The following ABTB2 variants were observed in gnomAD, a reference collection of about 807,000 sequenced individuals.
ABTB2 encodes ankyrin repeat and BTB/POZ domain-containing protein 2.
A neutral mutation model predicts 104.1 loss-of-function variants in ABTB2; 56 were observed. That is an observed-to-expected ratio of 0.54 (90% CI 0.43 to 0.67). The LOEUF is 0.67. ABTB2 is among the 30% of genes least tolerant of loss of function. The pLI is 0.00. For synonymous variants in ABTB2, 606 were observed against 608.2 expected, an observed-to-expected ratio of 1.00 and a Z score of 0.05; for missense variants, 1,279 against 1,407.7, an observed-to-expected ratio of 0.91 and a Z score of 1.46.
At chr11:34,200,140 G>A (rs984688413) in intron 2 of ABTB2, among the ~76,000 whole-genome samples, 1 of 152,156 alleles carries the variant, frequency 6.6e-6, no homozygotes, top group Non-Finnish European at 1.5e-5. Context: ...CGTTTCTCCA[G>A]GTCTAAATGT....
chr11:34,291,968 G>A (rs1854568959), intron 1 of ABTB2, among the ~76,000 whole-genome samples: 1 of 151,884 alleles, frequency 6.6e-6, no homozygotes. Flanking sequence ...TTAAACGAAG[G>A]CACTAGGAAC....
intron 1 of ABTB2, among the ~76,000 whole-genome samples, chr11:34,226,255 G>A (rs1853685868): frequency 6.8e-6 from 1 of 147,610 alleles, no homozygotes; most frequent in South Asian, 2.2e-4. Context: ...GAGTTTTATT[G>A]CCTCAAATAA....
At chr11:34,254,530 G>A (rs1377820466) in intron 1 of ABTB2, among the ~76,000 whole-genome samples, 1 of 152,136 alleles carries the variant, frequency 6.6e-6, no homozygotes, top group Non-Finnish European at 1.5e-5. Flanking sequence ...TGGGATTTGA[G>A]AGCCACCGTG....
At chr11:34,173,341 G>A (rs1852912939) in intron 3 of ABTB2, 34 bp from the exon 4 acceptor site, 2 of 1,549,150 alleles carry the variant, frequency 1.3e-6, no homozygotes, top group South Asian at 1.2e-5. Flanking sequence ...CAGGCCTGGG[G>A]TGGGGTCCCT....
chr11:34,200,854 T>C (rs1221893336), intron 2 of ABTB2, among the ~76,000 whole-genome samples: 3 of 152,134 alleles, frequency 2.0e-5, no homozygotes, highest in Non-Finnish European at 4.4e-5. Context: ...CTACTAAAAG[T>C]GTGGTCTGTG....
At chr11:34,203,394 G>A (rs1490840284) in intron 2 of ABTB2, among the ~76,000 whole-genome samples, 4 of 152,198 alleles carry the variant, frequency 2.6e-5, no homozygotes, top group African/African-American at 7.2e-5. Flanking sequence ...TGGACCAGGG[G>A]CTGTGTCCCT....
chr11:34,308,753 C>T (rs796308718), intron 1 of ABTB2, among the ~76,000 whole-genome samples: 42 of 151,484 alleles, frequency 2.8e-4, no homozygotes, highest in African/African-American at 1.0e-3. Context: ...CGCCTGTATT[C>T]CCAGCTACTC....
At chr11:34,272,688 C>G (rs1324678853) in intron 1 of ABTB2, among the ~76,000 whole-genome samples, 8 of 105,872 alleles carry the variant, frequency 7.6e-5, no homozygotes, top group African/African-American at 2.8e-4. Context: ...GCCTGGGCGA[C>G]AGAGTAAGAC....
intron 1 of ABTB2, among the ~76,000 whole-genome samples, chr11:34,309,860 A>G (rs1395512942): frequency 3.3e-5 from 5 of 151,554 alleles, no homozygotes; most frequent in African/African-American, 7.3e-5. Flanking sequence ...TTGATTTGTG[A>G]TATGTGTGTC....
At chr11:34,187,204 C>G (rs1853111814) in intron 3 of ABTB2, among the ~76,000 whole-genome samples, 1 of 152,178 alleles carries the variant, frequency 6.6e-6, no homozygotes, top group Non-Finnish European at 1.5e-5. Flanking sequence ...TGCTTCCAGC[C>G]CACGTAAAGA....
Position 34,197,307 on chromosome 11 carries a change from C to T in ABTB2, c.1244+18G>A. Reference sequence around the variant, plus strand: ...GGAGCACGTCCCACCAGGTGCTCAGCCCAAGGAAGATCCCTACCGTTCATT... The same window carrying T: ...GGAGCACGTCCCACCAGGTGCTCAGTCCAAGGAAGATCCCTACCGTTCATT... On this transcript the variant is annotated intron_variant, in intron 3 of 16. Coordinates refer to ENST00000435224, the MANE Select transcript of ABTB2 (RefSeq NM_145804.3). The T allele has an allele frequency of 6.2e-7, 1 of 1,613,496 alleles. No individual in the cohort carries two copies.
At chr11:34,238,116 T>C (rs1162623515) in intron 1 of ABTB2, among the ~76,000 whole-genome samples, 2 of 152,164 alleles carry the variant, frequency 1.3e-5, no homozygotes, top group Non-Finnish European at 2.9e-5. Context: ...CCCTATATTA[T>C]CTCCCATACT....
intron 1 of ABTB2, among the ~76,000 whole-genome samples, chr11:34,253,675 C>CA (rs148748716): frequency 0.038 from 4,958 of 129,750 alleles, 257 homozygotes; most frequent in African/African-American, 0.12. Flanking sequence ...GATTCCGTCT[C>CA]AAAAAAAAAA....
intron 4 of ABTB2, among the ~76,000 whole-genome samples, chr11:34,171,403 T>C (rs1483715032): frequency 1.3e-5 from 2 of 152,038 alleles, no homozygotes; most frequent in Non-Finnish European, 2.9e-5. Flanking sequence ...GGTGAAACCC[T>C]GTCTCTACTC....
intron 1 of ABTB2, among the ~76,000 whole-genome samples, chr11:34,336,184 A>G (rs979856356): frequency 6.6e-6 from 1 of 152,184 alleles, no homozygotes; most frequent in Non-Finnish European, 1.5e-5. Flanking sequence ...ACTTACTACT[A>G]AAGCTTATTC....
chr11:34,259,087 G>T (rs538579125), intron 1 of ABTB2, among the ~76,000 whole-genome samples: 1 of 152,344 alleles, frequency 6.6e-6, no homozygotes, highest in East Asian at 1.9e-4. Flanking sequence ...TGCTGCTATT[G>T]TTAATTCTTG....
At chr11:34,273,572 T>C (rs987755531) in intron 1 of ABTB2, among the ~76,000 whole-genome samples, 1 of 152,152 alleles carries the variant, frequency 6.6e-6, no homozygotes, top group East Asian at 1.9e-4. Context: ...CTGTGGCCCC[T>C]TGATGGGCTT....
At position 34,173,275 on chromosome 11, in the gene ABTB2, C is replaced by T; in HGVS notation, c.1277G>A (p.Trp426Ter). Residue 426 changes from tryptophan (W) to a stop codon, truncating the protein, a stop_gained, in exon 4 of 17, where the codon TGG becomes TAG. Transcript: ENST00000435224. LOFTEE classifies it high-confidence loss of function. ...TGCGTAGGTGATGGCCACGCGCATC[C>T]ACTCCATGAGGGGCGGCAGCAGCAT... is the stretch of plus-strand genomic sequence containing the variant. ...PFMLLPPLMEWMRVAITYAEH... is the reference protein window; with the variant it reads ...PFMLLPPLME 1.2e-6 allele frequency: 2 copies of T among 1,607,152 alleles called. No individual in the cohort carries two copies. Among genetic ancestry groups the T allele is most frequent in the Non-Finnish European group, 1.7e-6 (2 of 1,177,250 alleles).
intron 1 of ABTB2, among the ~76,000 whole-genome samples, chr11:34,310,213 T>A (rs1854833353): frequency 6.6e-6 from 1 of 152,090 alleles, no homozygotes; most frequent in South Asian, 2.1e-4. Context: ...GACTTTCAAA[T>A]CCTTATCTTC....
Sources: gnomAD v4.1 joint callset for allele counts (sites outside exome capture counted in the v4.1 genomes callset) on GRCh38, gnomAD v4.1.1 for gene constraint, MANE v1.5 for transcripts, NCBI Gene and HGNC (gene_info 2026-07-23, HGNC 2026-07-21) for gene names.